The following GABBR2 variants were observed in gnomAD, a reference collection of about 807,000 sequenced individuals.
GABBR2 encodes the protein G-protein coupled receptor 51.
In GABBR2, 23 loss-of-function variants were observed where a neutral mutation model predicts 105.6. The observed-to-expected ratio is 0.22, with a 90% CI of 0.16 to 0.31. The LOEUF (loss-of-function observed/expected upper bound fraction) is 0.31, where lower values mean the gene tolerates loss of function less well. Ranked by LOEUF, GABBR2 falls within the 10% of genes least tolerant of loss-of-function variation. GABBR2 has a pLI of 1.00. For missense variants in GABBR2, 734 were observed against 1,245.5 expected (o/e 0.59, Z 6.18); for synonymous variants, 478 against 499.7 (o/e 0.96, Z 0.58).
chr9:98,333,338 A>G (rs7849196), intron 13 of GABBR2, among the ~76,000 whole-genome samples: 5,953 of 152,176 alleles, frequency 0.039, 375 homozygotes, highest in African/African-American at 0.13. Context: ...GTAACAAACT[A>G]CCATAAATTG....
intron 1 of GABBR2, among the ~76,000 whole-genome samples, chr9:98,636,494 T>C (rs1439174618): frequency 1.5e-5 from 2 of 133,372 alleles, no homozygotes; most frequent in Non-Finnish European, 3.2e-5. Context: ...TCTTTTTTTT[T>C]TTTTTTTTTT....
intron 3 of GABBR2, among the ~76,000 whole-genome samples, chr9:98,501,656 C>T (rs189282402): frequency 6.6e-6 from 1 of 152,168 alleles, no homozygotes; most frequent in African/African-American, 2.4e-5. Context: ...GACCAAGAAC[C>T]CTTTAGGGAG....
At chr9:98,453,087 C>T (rs536841990) in intron 7 of GABBR2, among the ~76,000 whole-genome samples, 8 of 152,252 alleles carry the variant, frequency 5.3e-5, no homozygotes, top group Admixed American at 1.3e-4. Context: ...AGTGCAATGA[C>T]GCGATCTCAG....
intron 7 of GABBR2, among the ~76,000 whole-genome samples, chr9:98,432,409 CG>C: frequency 6.6e-6 from 1 of 152,224 alleles, no homozygotes; most frequent in Non-Finnish European, 1.5e-5. Flanking sequence ...TGTAGAAACA[CG>C]GCTGGCATGA....
intron 13 of GABBR2, among the ~76,000 whole-genome samples, chr9:98,349,831 T>C (rs2131421367): frequency 6.6e-6 from 1 of 152,284 alleles, no homozygotes; most frequent in East Asian, 1.9e-4. Context: ...AGAATTATGT[T>C]AGTTCTTTAA....
intron 11 of GABBR2, chr9:98,375,066 G>A (rs1272417795): frequency 6.6e-6 from 1 of 152,060 alleles, no homozygotes; most frequent in African/African-American, 2.4e-5. Context: ...TAAGTTTCTG[G>A]GATTTAAACC....
At chr9:98,491,621 T>G (rs1325119871) in intron 4 of GABBR2, among the ~76,000 whole-genome samples, 1 of 152,238 alleles carries the variant, frequency 6.6e-6, no homozygotes, top group Non-Finnish European at 1.5e-5. Flanking sequence ...ATCTACCTAA[T>G]TATGAAACTC....
rs1832243257 is a variant in GABBR2, at chr9:98,394,070, C to T, written c.1378+105G>A. On this transcript the variant is annotated intron_variant, in intron 9 of 18. Transcript: ENST00000259455. ...GCATGTGTTGAGGATGTTCCCTTGA[C>T]CCCCTGAAGCCAAGGATGCTGAGCT... 19 of 778,238 alleles carry T rather than the reference C, an allele frequency of 2.4e-5. No individual in the cohort carries two copies. In the South Asian group the frequency reaches 2.8e-4, roughly 12 times the overall value. 48.2% of individuals were successfully genotyped at this position (778,238 alleles called of 1,614,324 possible).
chr9:98,394,309 G>A, intron 8 of GABBR2, 54 bp from the exon 9 acceptor site: 1 of 1,288,342 alleles, frequency 7.8e-7, no homozygotes, highest in Middle Eastern at 1.8e-4. Context: ...GTTTGTGTCT[G>A]GGTGCTCCTA....
rs1830928847 is a variant in GABBR2, at chr9:98,708,309, CG to C, written c.321+107del. The C allele has an allele frequency of 7.8e-6, 9 of 1,151,710 alleles. No individual in the cohort carries two copies. The Admixed American group carries it at 3.2e-4, about 41-fold the overall frequency. The allele number at this position is 1,151,710 out of a possible 1,614,324, so 71.3% of individuals were successfully genotyped here. ...CAGCCCTCTCTGCCCTCGGCAGGCG[CG>C]GGCCGGTCAATCGGGGATCTGACCA... On this transcript the variant is annotated intron_variant, in intron 1 of 18. Coordinates refer to ENST00000259455, the MANE Select transcript of GABBR2 (RefSeq NM_005458.8).
At chr9:98,353,151 G>A (rs535559502) in intron 13 of GABBR2, among the ~76,000 whole-genome samples, 4 of 152,296 alleles carry the variant, frequency 2.6e-5, no homozygotes, top group South Asian at 2.1e-4. Context: ...TGATGGGAAT[G>A]CGGACCACTA....
chr9:98,708,588 C>A lies in GABBR2; in HGVS notation c.150G>T (p.Pro50=). ...TGATGGAGAGCGGCGGGCTGCTGGG[C>A]GGCGGCCGGGGGGCGCCCCGCGCCC... ...WGWARGAPRP[P]PSSPPLSIMG... Residue 50 remains proline, a synonymous_variant, in exon 1 of 19, where the codon CCG becomes CCT. Transcript: ENST00000259455. 6.8e-7 allele frequency: 1 copy of A among 1,475,124 alleles called. No individual in the cohort carries two copies. The highest frequency in any genetic ancestry group is 1.4e-5 in the African/African-American group (1 of 69,816). The allele number at this position is 1,475,124 out of a possible 1,614,324, so 91.4% of individuals were successfully genotyped here. A position where few individuals can be genotyped will look rare whatever the true frequency, so the allele number is the denominator to read the frequency against.
chr9:98,442,376 T>C (rs2131588504), intron 7 of GABBR2, among the ~76,000 whole-genome samples: 1 of 152,342 alleles, frequency 6.6e-6, no homozygotes, highest in East Asian at 1.9e-4. Flanking sequence ...TCGGGCTAGA[T>C]TCTTTTGCCC....
chr9:98,310,159 C>G (rs1830613716), intron 14 of GABBR2, among the ~76,000 whole-genome samples: 1 of 152,134 alleles, frequency 6.6e-6, no homozygotes, highest in Non-Finnish European at 1.5e-5. Flanking sequence ...AGAGAAGATT[C>G]AAGGATCAAC....
At chr9:98,416,011 G>A (rs1236167952) in intron 7 of GABBR2, among the ~76,000 whole-genome samples, 1 of 152,188 alleles carries the variant, frequency 6.6e-6, no homozygotes, top group African/African-American at 2.4e-5. Flanking sequence ...TAGGTAGTCA[G>A]GGATGTGTTG....
At chr9:98,526,211 A>C (rs754236006) in intron 3 of GABBR2, among the ~76,000 whole-genome samples, 2 of 152,206 alleles carry the variant, frequency 1.3e-5, no homozygotes, top group Non-Finnish European at 2.9e-5. Context: ...CAACTGACTC[A>C]AAGTATAAGC....
At chr9:98,309,907 C>T (rs1381976948) in intron 14 of GABBR2, among the ~76,000 whole-genome samples, 1 of 152,226 alleles carries the variant, frequency 6.6e-6, no homozygotes, top group Non-Finnish European at 1.5e-5. Context: ...TCTCAAAGGA[C>T]ACAGGATCAA....
intron 1 of GABBR2, among the ~76,000 whole-genome samples, chr9:98,695,330 G>A (rs1830735126): frequency 6.6e-6 from 1 of 152,152 alleles, no homozygotes; most frequent in Non-Finnish European, 1.5e-5. Context: ...TAGCCTGGCG[G>A]GGCAGTGAAC....
intron 6 of GABBR2, among the ~76,000 whole-genome samples, chr9:98,472,458 A>G (rs1240580049): frequency 1.3e-5 from 2 of 152,226 alleles, no homozygotes; most frequent in African/African-American, 4.8e-5. Flanking sequence ...CAGTCGTGAC[A>G]GCATCAAGGT....
Sources: gnomAD v4.1 joint callset for allele counts (sites outside exome capture counted in the v4.1 genomes callset) on GRCh38, gnomAD v4.1.1 for gene constraint, MANE v1.5 for transcripts, NCBI Gene and HGNC (gene_info 2026-07-23, HGNC 2026-07-21) for gene names.